The following RPS6KA6 variants were observed in gnomAD, a reference collection of about 807,000 sequenced individuals.
RPS6KA6 encodes ribosomal protein S6 kinase alpha-6.
Under a neutral mutation model 65.4 loss-of-function variants are expected in RPS6KA6, and 27 were observed. The observed-to-expected ratio is 0.41, with a 90% confidence interval of 0.30 to 0.57. RPS6KA6 has a LOEUF of 0.57. Among genes scored for constraint, RPS6KA6 ranks in the 20% least tolerant of loss-of-function variants. The pLI, the probability that RPS6KA6 is intolerant of heterozygous loss-of-function variation, is 0.24. For missense variants in RPS6KA6, 486 were observed against 555.6 expected (o/e 0.87, Z 1.26); for synonymous variants, 190 against 184.2 (o/e 1.03, Z -0.26).
At chrX:84,123,409 C>G (rs1359447425) in intron 8 of RPS6KA6, among the ~76,000 whole-genome samples, 1 of 112,821 alleles carries the variant, frequency 8.9e-6, no homozygotes, top group Non-Finnish European at 1.9e-5. Context: ...AGCCTAGGCT[C>G]TTGGATATAA....
intron 20 of RPS6KA6, among the ~76,000 whole-genome samples, chrX:84,094,928 T>C (rs1223507533): frequency 1.8e-5 from 2 of 112,269 alleles, no homozygotes; most frequent in Admixed American, 9.5e-5. Flanking sequence ...TAATGAATAA[T>C]ACTAGTAGTT....
In RPS6KA6 at chrX:84,139,708, G is replaced by T. The variant is rs188742481; in HGVS notation, c.502-4498C>A. Reference sequence around the variant, plus strand: ...TGCTACTCCCAGACTACTACTTAAAGAAAAATGAAGCAGACAAAGACAGGA... The same window carrying T: ...TGCTACTCCCAGACTACTACTTAAATAAAAATGAAGCAGACAAAGACAGGA... On this transcript the variant is annotated intron_variant, in intron 6 of 21. Transcript: ENST00000262752. Among the ~76,000 whole-genome samples the T allele has an allele frequency of 9.7e-4, 109 of 112,098 alleles. 1 individual carries two copies. In the South Asian group the frequency reaches 0.011, roughly 12 times the overall value.
chrX:84,183,421 T>C (rs905504372), intron 1 of RPS6KA6, among the ~76,000 whole-genome samples: 1 of 111,324 alleles, frequency 9.0e-6, no homozygotes, highest in Non-Finnish European at 1.9e-5. Context: ...CCACCTTCCA[T>C]ATCTCCCCCA....
At chrX:84,140,752 A>T (rs1201324003) in intron 6 of RPS6KA6, among the ~76,000 whole-genome samples, 1 of 95,956 alleles carries the variant, frequency 1.0e-5, no homozygotes, top group Admixed American at 1.2e-4. Flanking sequence ...AAAAAAAAAA[A>T]ACATACATAT....
intron 3 of RPS6KA6, 58 bp downstream of exon 3, chrX:84,156,017 C>T (rs182681547): frequency 8.9e-4 from 562 of 630,263 alleles, no homozygotes; most frequent in Non-Finnish European, 1.4e-3. Context: ...CGTATGTGTT[C>T]ACTTTTTTTG....
intron 1 of RPS6KA6, among the ~76,000 whole-genome samples, chrX:84,170,181 A>G (rs963463673): frequency 3.7e-5 from 4 of 109,166 alleles, no homozygotes; most frequent in East Asian, 5.6e-4. Context: ...AAAAAAAAAA[A>G]AAAAAGAAAA....
chrX:84,079,761 A>G (rs954161708), intron 20 of RPS6KA6, among the ~76,000 whole-genome samples: 2 of 112,338 alleles, frequency 1.8e-5, no homozygotes, highest in Admixed American at 9.4e-5. Context: ...TGCTGCAGCC[A>G]GACTGCCTCT....
intron 3 of RPS6KA6, among the ~76,000 whole-genome samples, chrX:84,151,212 G>A (rs1237930883): frequency 1.1e-5 from 1 of 89,275 alleles, no homozygotes. Context: ...TAGATATATA[G>A]GATATATATA....
intron 3 of RPS6KA6, among the ~76,000 whole-genome samples, chrX:84,151,376 C>G (rs1276695319): frequency 9.2e-6 from 1 of 108,833 alleles, no homozygotes; most frequent in Non-Finnish European, 1.9e-5. Flanking sequence ...ATAGCTGCAT[C>G]AAGAAAATGA....
chrX:84,170,165 T>TAAAAAAAA (rs746518015), intron 1 of RPS6KA6, among the ~76,000 whole-genome samples: 2 of 55,302 alleles, frequency 3.6e-5, no homozygotes, highest in Non-Finnish European at 6.6e-5. Context: ...AGACTCCTTC[T>TAAAAAAAA]AAAAAAAAAA....
chrX:84,185,867 A>G (rs767310193), intron 1 of RPS6KA6, among the ~76,000 whole-genome samples: 2 of 112,212 alleles, frequency 1.8e-5, no homozygotes, highest in African/African-American at 6.5e-5. Context: ...TATCAAAAGT[A>G]AACTTGTTTA....
At chrX:84,147,183 C>A (rs992670333) in intron 4 of RPS6KA6, 125 bp from the exon 5 acceptor site, 2 of 409,328 alleles carry the variant, frequency 4.9e-6, no homozygotes, top group Admixed American at 9.0e-5. Context: ...CCGAAATTTG[C>A]AGTTTTCATA....
At chrX:84,115,669 G>A (rs1032955714) in intron 12 of RPS6KA6, among the ~76,000 whole-genome samples, 1 of 111,660 alleles carries the variant, frequency 9.0e-6, no homozygotes, top group Non-Finnish European at 1.9e-5. Context: ...GTCTATCACA[G>A]CACTGTTCAC....
intron 20 of RPS6KA6, among the ~76,000 whole-genome samples, chrX:84,089,651 C>T (rs150253481): frequency 0.015 from 1,645 of 110,596 alleles, 36 homozygotes; most frequent in African/African-American, 0.051. Flanking sequence ...GGGAGAAGCA[C>T]GGTTCTCTAG....
At chrX:84,186,890 C>T (rs1324464155) in intron 1 of RPS6KA6, 1 of 111,489 alleles carries the variant, frequency 9.0e-6, no homozygotes, top group East Asian at 2.9e-4. Flanking sequence ...ACAAAAGACA[C>T]GTTTTTGTGT....
intron 9 of RPS6KA6, among the ~76,000 whole-genome samples, chrX:84,118,858 G>C (rs1369773887): frequency 9.0e-6 from 1 of 111,309 alleles, no homozygotes; most frequent in Non-Finnish European, 1.9e-5. Flanking sequence ...CTAATTTCCA[G>C]CCTGTTTAAG....
At chrX:84,071,807 A>G (rs1364344392) in intron 20 of RPS6KA6, among the ~76,000 whole-genome samples, 1 of 111,747 alleles carries the variant, frequency 8.9e-6, no homozygotes, top group Admixed American at 9.5e-5. Context: ...TATTACAAAC[A>G]ACTATATGCC....
rs1384802334 is a variant in RPS6KA6, at chrX:84,060,145, C to T, written c.*4132G>A. The T allele has an allele frequency of 9.0e-6, 1 of 111,002 alleles. No individual in the cohort carries two copies. Among genetic ancestry groups the T allele is most frequent in the Non-Finnish European group, 1.9e-5 (1 of 52,983 alleles). 9.1% of individuals were successfully genotyped at this position (111,002 alleles called of 1,213,427 possible). On this transcript the variant is annotated 3_prime_UTR_variant, in exon 22 of 22. Coordinates refer to ENST00000262752, the MANE Select transcript of RPS6KA6 (RefSeq NM_014496.5). ...ATGTTGTGAATAATCACTATCAATG[C>T]CACTATATTCCCACATAAAAAGGCA...
intron 8 of RPS6KA6, among the ~76,000 whole-genome samples, chrX:84,130,178 C>T (rs1175702395): frequency 9.0e-6 from 1 of 110,828 alleles, no homozygotes; most frequent in African/African-American, 3.3e-5. Context: ...ACATTCTAGG[C>T]TGAAAACCAA....
Sources: allele counts gnomAD v4.1 joint callset (sites outside exome capture counted in the v4.1 genomes callset), GRCh38; gene constraint gnomAD v4.1.1; transcripts MANE v1.5; gene names NCBI Gene and HGNC (gene_info 2026-07-23, HGNC 2026-07-21).